CSMD3: variants seen among roughly 807,000 people sequenced by gnomAD.
CSMD3 encodes the protein CUB and Sushi multiple domains 3, also known as CUB and sushi domain-containing protein 3.
CSMD3 carries 177 observed loss-of-function variants against 435.2 expected under a neutral mutation model. The observed-to-expected ratio is 0.41, with a 90% confidence interval of 0.36 to 0.46. The LOEUF (loss-of-function observed/expected upper bound fraction) is 0.46, where lower values mean the gene tolerates loss of function less well. Ranked by LOEUF, CSMD3 falls within the 20% of genes least tolerant of loss-of-function variation. The probability of loss-of-function intolerance (pLI) is 0.34; values close to 1 mark genes in which losing one functional copy is unlikely to be tolerated. For synonymous variants in CSMD3, 1,656 were observed against 1,520.5 expected (o/e 1.09, Z -2.07); for missense variants, 4,265 against 4,504.6 (o/e 0.95, Z 1.52).
chr8:112,580,664 A>C (rs753448634), intron 23 of CSMD3, among the ~76,000 whole-genome samples: 24 of 152,042 alleles, frequency 1.6e-4, no homozygotes, highest in Non-Finnish European at 3.2e-4. Context: ...AGCAGAGCAG[A>C]ATATACTACA....
chr8:112,873,085 A>T (rs2130075179), intron 10 of CSMD3, among the ~76,000 whole-genome samples: 1 of 152,200 alleles, frequency 6.6e-6, no homozygotes, highest in East Asian at 1.9e-4. Context: ...CAGGAAATTA[A>T]CTGAGCCAGT....
intron 10 of CSMD3, among the ~76,000 whole-genome samples, chr8:112,873,195 C>A (rs2081185509): frequency 6.6e-6 from 1 of 151,946 alleles, no homozygotes; most frequent in African/African-American, 2.4e-5. Flanking sequence ...CCAAAAAAAT[C>A]ATAAAGCAGG....
intron 32 of CSMD3, among the ~76,000 whole-genome samples, chr8:112,448,466 A>T (rs545483213): frequency 1.3e-5 from 2 of 152,266 alleles, no homozygotes; most frequent in East Asian, 3.9e-4. Context: ...CAACAGAGGA[A>T]AGATGTTCAT....
In CSMD3 at chr8:113,227,701, T is replaced by C. The variant is rs374679539; in HGVS notation, c.514+50891A>G. Among the ~76,000 whole-genome samples the C allele has an allele frequency of 8.6e-5, 13 of 151,760 alleles. No homozygotes were observed. In the East Asian group the frequency reaches 2.3e-3, roughly 27 times the overall value. Reference sequence around the variant, plus strand: ...CTCTCCTGCCACCTTGTGAAGAAGATGCTTGCTTTTCCTTCACGTTCCACC... The same window carrying C: ...CTCTCCTGCCACCTTGTGAAGAAGACGCTTGCTTTTCCTTCACGTTCCACC... On this transcript the variant is annotated intron_variant, in intron 3 of 70. Transcript: ENST00000297405.
At chr8:112,313,839 G>T (rs2130829330) in intron 49 of CSMD3, 67 bp downstream of exon 49, 1 of 1,272,696 alleles carries the variant, frequency 7.9e-7, no homozygotes, top group South Asian at 1.2e-5. Flanking sequence ...TAGTGTCTCT[G>T]CTCCTTAATC....
At chr8:112,665,906 A>G (rs1428363761) in intron 17 of CSMD3, among the ~76,000 whole-genome samples, 1 of 152,106 alleles carries the variant, frequency 6.6e-6, no homozygotes, top group Non-Finnish European at 1.5e-5. Context: ...AGACTGCACT[A>G]GTGTTGATTT....
In CSMD3 at chr8:112,265,499, C is replaced by A. The variant is rs2130413185; in HGVS notation, c.9600G>T (p.Gln3200His). The A allele has an allele frequency of 1.9e-6, 3 of 1,613,536 alleles. No homozygotes were observed. The highest frequency in any genetic ancestry group is 2.5e-6 in the Non-Finnish European group (3 of 1,179,540). ...CATTCAATTCCATCGTGTAGCCTGG[C>A]TGGCACATGTAAGAAACATTTTGTC... ...VVGQNVSYMC[Q>H]PGYTMELNGS... is the part of the protein sequence containing the mutation. The change falls in exon 60 of 71, where the codon CAG (glutamine) becomes CAT (histidine). Residue 3200 changes from glutamine (Q) to histidine (H), a missense_variant. Coordinates refer to ENST00000297405, the MANE Select transcript of CSMD3 (RefSeq NM_198123.2).
intron 27 of CSMD3, among the ~76,000 whole-genome samples, chr8:112,540,763 TTACTAGA>T (rs1349626599): frequency 6.6e-6 from 1 of 151,926 alleles, no homozygotes; most frequent in Non-Finnish European, 1.5e-5. Flanking sequence ...CAAATGGTAG[TTACTAGA>T]TACTGGGAAT....
intron 53 of CSMD3, among the ~76,000 whole-genome samples, chr8:112,296,781 T>C (rs1013863871): frequency 3.3e-5 from 5 of 151,876 alleles, no homozygotes; most frequent in Non-Finnish European, 5.9e-5. Context: ...TTACGAATAA[T>C]AGAGAACATT....
chr8:112,619,843 AC>A (rs1833931994), intron 22 of CSMD3, among the ~76,000 whole-genome samples: 1 of 152,148 alleles, frequency 6.6e-6, no homozygotes, highest in Non-Finnish European at 1.5e-5. Context: ...ATGTGATCAA[AC>A]AGTATCCAGT....
chr8:112,432,458 C>T (rs1051517700), intron 32 of CSMD3, among the ~76,000 whole-genome samples: 2 of 152,014 alleles, frequency 1.3e-5, no homozygotes, highest in Non-Finnish European at 2.9e-5. Flanking sequence ...TGTGAGCCAC[C>T]ACACACAAAT....
At chr8:112,443,968 C>A (rs955063143) in intron 32 of CSMD3, among the ~76,000 whole-genome samples, 1 of 151,944 alleles carries the variant, frequency 6.6e-6, no homozygotes, top group African/African-American at 2.4e-5. Context: ...TCTCATTTTG[C>A]AGAAAAGAAA....
intron 10 of CSMD3, among the ~76,000 whole-genome samples, chr8:112,871,942 A>G (rs921330309): frequency 2.6e-5 from 4 of 152,066 alleles, no homozygotes; most frequent in Non-Finnish European, 5.9e-5. Context: ...ATGTGTCAGA[A>G]TTCATTTTAT....
chr8:113,323,467 A>G (rs887525493), intron 1 of CSMD3, among the ~76,000 whole-genome samples: 1 of 152,202 alleles, frequency 6.6e-6, no homozygotes, highest in Non-Finnish European at 1.5e-5. Context: ...TCAAGGCTCA[A>G]CCTGATCCTG....
chr8:113,251,602 T>TA (rs1488421581), intron 3 of CSMD3, among the ~76,000 whole-genome samples: 1 of 152,014 alleles, frequency 6.6e-6, no homozygotes, highest in Admixed American at 6.6e-5. Flanking sequence ...AGCTGTAAGT[T>TA]AAAAAATCCA....
At chr8:112,235,592 G>A (rs1813497501) in intron 67 of CSMD3, among the ~76,000 whole-genome samples, 2 of 151,814 alleles carry the variant, frequency 1.3e-5, no homozygotes, top group African/African-American at 2.4e-5. Context: ...GGAAAAAATT[G>A]TTTAGGGAAA....
chr8:112,739,963 G>C (rs2077267214), intron 13 of CSMD3, among the ~76,000 whole-genome samples: 1 of 151,694 alleles, frequency 6.6e-6, no homozygotes, highest in Non-Finnish European at 1.5e-5. Flanking sequence ...GATACCACAG[G>C]AGCATAATTA....
At chr8:112,787,983 G>A (rs1203571731) in intron 13 of CSMD3, among the ~76,000 whole-genome samples, 1 of 152,094 alleles carries the variant, frequency 6.6e-6, no homozygotes, top group Admixed American at 6.6e-5. Flanking sequence ...AATGACAAAT[G>A]TTTGAAGTGA....
chr8:112,859,019 A>ATTTT, intron 11 of CSMD3, 126 bp downstream of exon 11: 2 of 798,738 alleles, frequency 2.5e-6, no homozygotes, highest in Admixed American at 2.1e-5. Context: ...ACTGTTAAGT[A>ATTTT]GGGAATATTG....
Sources: gnomAD v4.1 joint callset for allele counts (sites outside exome capture counted in the v4.1 genomes callset) on GRCh38, gnomAD v4.1.1 for gene constraint, MANE v1.5 for transcripts, NCBI Gene and HGNC (gene_info 2026-07-23, HGNC 2026-07-21) for gene names.